The following SYT1 variants were observed in gnomAD, a reference collection of about 807,000 sequenced individuals.
SYT1 encodes the protein synaptotagmin-1.
SYT1 carries 8 observed loss-of-function variants against 44.8 expected under a neutral mutation model. That is an observed-to-expected ratio of 0.18 (90% CI 0.10 to 0.32). SYT1 has a LOEUF of 0.32. Ranked by LOEUF, SYT1 falls within the 10% of genes least tolerant of loss-of-function variation. The pLI, the probability that SYT1 is intolerant of heterozygous loss-of-function variation, is 1.00. For synonymous variants in SYT1, 154 were observed against 188.8 expected (o/e 0.82, Z 1.51); for missense variants, 286 against 509.3 (o/e 0.56, Z 4.22).
At chr12:79,312,769 A>ATTTTT (rs34469793) in intron 8 of SYT1, among the ~76,000 whole-genome samples, 1 of 116,970 alleles carries the variant, frequency 8.5e-6, no homozygotes, top group Non-Finnish European at 1.8e-5. Flanking sequence ...AAGGGGCTGC[A>ATTTTT]TTTTTTTTTT....
At chr12:78,982,238 G>A (rs942664118) in intron 2 of SYT1, among the ~76,000 whole-genome samples, 4 of 152,102 alleles carry the variant, frequency 2.6e-5, no homozygotes, top group Admixed American at 1.3e-4. Flanking sequence ...GGTATAAGAA[G>A]CAAGAAGTTA....
chr12:78,927,463 G>A (rs1026090633), intron 1 of SYT1, among the ~76,000 whole-genome samples: 1 of 152,052 alleles, frequency 6.6e-6, no homozygotes, highest in Non-Finnish European at 1.5e-5. Flanking sequence ...AAAATTTTGT[G>A]TCTTCCGTGC....
intron 1 of SYT1, among the ~76,000 whole-genome samples, chr12:78,935,998 GGA>G (rs1173487047): frequency 6.6e-6 from 1 of 151,982 alleles, no homozygotes; most frequent in Non-Finnish European, 1.5e-5. Context: ...ATAAAACAAA[GGA>G]GAGATACAGT....
chr12:78,948,953 CTATTA>C (rs71441943), intron 1 of SYT1, among the ~76,000 whole-genome samples: 64,828 of 142,184 alleles, frequency 0.46, 15,025 homozygotes, highest in Non-Finnish European at 0.5. Context: ...AAATCAAGGC[CTATTA>C]TATTATATTA....
rs183128415 is a variant in SYT1, at chr12:78,988,733, C to A, written c.-84+10802C>A. ...TCATGCAGAGCCTTGTGAGAAATGA[C>A]ATGGAGTTGTGATTTTTGGCCAAAT... On this transcript the variant is annotated intron_variant, in intron 2 of 10. Coordinates refer to ENST00000261205, the MANE Select transcript of SYT1 (RefSeq NM_005639.3). 2.6e-5 allele frequency among the ~76,000 whole-genome samples: 4 copies of A among 152,100 alleles called. No homozygotes were observed. The East Asian group carries it at 7.7e-4, about 29-fold the overall frequency.
intron 1 of SYT1, among the ~76,000 whole-genome samples, chr12:78,934,153 C>T (rs374934895): frequency 5.4e-5 from 8 of 148,402 alleles, no homozygotes; most frequent in East Asian, 2.0e-4. Context: ...TGTGTATGTG[C>T]GTGTGTACAC....
At chr12:79,140,190 C>T (rs1302803953) in intron 3 of SYT1, among the ~76,000 whole-genome samples, 1 of 151,862 alleles carries the variant, frequency 6.6e-6, no homozygotes, top group Non-Finnish European at 1.5e-5. Context: ...CATATAATAA[C>T]CATATAATAT....
At chr12:79,312,895 G>C (rs1316039956) in intron 8 of SYT1, among the ~76,000 whole-genome samples, 1 of 150,476 alleles carries the variant, frequency 6.6e-6, no homozygotes, top group Non-Finnish European at 1.5e-5. Flanking sequence ...TTTGTAGACT[G>C]TTTTGCATAT....
intron 3 of SYT1, among the ~76,000 whole-genome samples, chr12:79,084,801 A>G (rs557272984): frequency 6.6e-6 from 1 of 152,276 alleles, no homozygotes; most frequent in African/African-American, 2.4e-5. Flanking sequence ...GATGTGTATT[A>G]TAGAATTTGA....
chr12:79,119,052 G>A (rs1386354642), intron 3 of SYT1, among the ~76,000 whole-genome samples: 1 of 152,088 alleles, frequency 6.6e-6, no homozygotes, highest in Non-Finnish European at 1.5e-5. Flanking sequence ...GGAAAGGGCT[G>A]GTCGTTTTCT....
chr12:79,373,548 A>C, intron 9 of SYT1, among the ~76,000 whole-genome samples: 1 of 152,308 alleles, frequency 6.6e-6, no homozygotes, highest in East Asian at 1.9e-4. Context: ...GCAATTCACA[A>C]GCATAATATT....
chr12:78,920,353 G>T (rs2137159300), intron 1 of SYT1, among the ~76,000 whole-genome samples: 1 of 152,032 alleles, frequency 6.6e-6, no homozygotes, highest in East Asian at 1.9e-4. Flanking sequence ...TGAGCTAATA[G>T]ATCGCATTCA....
At chr12:79,314,338 T>C (rs1004203661) in intron 8 of SYT1, among the ~76,000 whole-genome samples, 2 of 152,084 alleles carry the variant, frequency 1.3e-5, no homozygotes, top group African/African-American at 2.4e-5. Context: ...TTGTCATACA[T>C]GGTTTTAATA....
At chr12:79,279,734 A>G (rs900552514) in intron 4 of SYT1, among the ~76,000 whole-genome samples, 2 of 152,072 alleles carry the variant, frequency 1.3e-5, no homozygotes, top group Admixed American at 1.3e-4. Context: ...GGCTGTTGAT[A>G]TAAATGTATA....
chr12:79,161,716 A>G (rs763636114), intron 3 of SYT1, among the ~76,000 whole-genome samples: 11 of 152,146 alleles, frequency 7.2e-5, no homozygotes, highest in Non-Finnish European at 1.6e-4. Context: ...AGAGCTAGTA[A>G]GTGACTGAGT....
At chr12:78,875,944 C>T (rs955746282) in intron 1 of SYT1, among the ~76,000 whole-genome samples, 1 of 151,616 alleles carries the variant, frequency 6.6e-6, no homozygotes, top group Non-Finnish European at 1.5e-5. Context: ...CTTTCCCTTT[C>T]CCCTCATTTC....
At chr12:79,191,170 G>T (rs1445574764) in intron 3 of SYT1, among the ~76,000 whole-genome samples, 3 of 151,772 alleles carry the variant, frequency 2.0e-5, no homozygotes, top group Admixed American at 6.6e-5. Context: ...TTTTGCAGAT[G>T]TTATTATTCC....
At chr12:79,438,171 G>A (rs148163458) in intron 9 of SYT1, among the ~76,000 whole-genome samples, 1 of 152,250 alleles carries the variant, frequency 6.6e-6, no homozygotes, top group African/African-American at 2.4e-5. Context: ...GTAGGTGATG[G>A]AGAAGGACAG....
intron 8 of SYT1, among the ~76,000 whole-genome samples, chr12:79,308,590 A>G (rs932888944): frequency 4.7e-4 from 58 of 122,288 alleles, no homozygotes; most frequent in Non-Finnish European, 8.5e-4. Context: ...AGGAAAAGAA[A>G]GAAGAAAGAA....
Sources: gnomAD v4.1 joint callset for allele counts (sites outside exome capture counted in the v4.1 genomes callset) on GRCh38, gnomAD v4.1.1 for gene constraint, MANE v1.5 for transcripts, NCBI Gene and HGNC (gene_info 2026-07-23, HGNC 2026-07-21) for gene names.